NUSAP1: variants seen among roughly 807,000 people sequenced by gnomAD.
NUSAP1 encodes the protein nucleolar and spindle-associated protein 1.
NUSAP1 carries 32 observed loss-of-function variants against 52.8 expected under a neutral mutation model. That is an observed-to-expected ratio of 0.61 (90% CI 0.46 to 0.81). The LOEUF (loss-of-function observed/expected upper bound fraction) is 0.81. NUSAP1 is among the 40% of genes least tolerant of loss of function. NUSAP1 has a pLI of 0.00. For synonymous variants in NUSAP1, 195 were observed against 183.1 expected (o/e 1.06, Z -0.52); for missense variants, 499 against 522.3 (o/e 0.96, Z 0.43).
At chr15:41,369,193 G>A (rs1238288547) in intron 7 of NUSAP1, among the ~76,000 whole-genome samples, 3 of 151,916 alleles carry the variant, frequency 2.0e-5, no homozygotes, top group Non-Finnish European at 4.4e-5. Flanking sequence ...TTATAGGTGT[G>A]AACCATCTCA....
At chr15:41,333,616 G>A (rs1567033420) in intron 1 of NUSAP1, among the ~76,000 whole-genome samples, 1 of 152,204 alleles carries the variant, frequency 6.6e-6, no homozygotes. Flanking sequence ...TTGACTCCGA[G>A]GCTACAAGAT....
intron 1 of NUSAP1, among the ~76,000 whole-genome samples, chr15:41,339,013 A>G (rs903867904): frequency 1.3e-5 from 2 of 152,078 alleles, no homozygotes; most frequent in Admixed American, 6.6e-5. Context: ...AGTGCCCTCC[A>G]ATGACTTCCC....
intron 7 of NUSAP1, among the ~76,000 whole-genome samples, chr15:41,366,291 C>CT (rs1200034822): frequency 0.13 from 17,680 of 139,696 alleles, 1,603 homozygotes; most frequent in African/African-American, 0.26. Context: ...TTTCTTTTTT[C>CT]TTTTTTTTTT....
chr15:41,338,208 T>C (rs2048239142), intron 1 of NUSAP1, among the ~76,000 whole-genome samples: 1 of 152,128 alleles, frequency 6.6e-6, no homozygotes, highest in African/African-American at 2.4e-5. Flanking sequence ...GTGCTGGGTT[T>C]ACAGGCATGA....
chr15:41,336,295 T>A (rs1029566127), intron 1 of NUSAP1, among the ~76,000 whole-genome samples: 4 of 148,790 alleles, frequency 2.7e-5, no homozygotes, highest in Admixed American at 1.3e-4. Flanking sequence ...ATAATAATAA[T>A]AAATATATAG....
intron 10 of NUSAP1, among the ~76,000 whole-genome samples, chr15:41,377,874 G>A (rs1363290924): frequency 2.6e-5 from 4 of 151,134 alleles, no homozygotes; most frequent in Non-Finnish European, 2.9e-5. Flanking sequence ...GGTGGCGGGC[G>A]CCTGTAGTCC....
At chr15:41,345,880 T>G (rs1414763680) in intron 2 of NUSAP1, among the ~76,000 whole-genome samples, 1 of 152,204 alleles carries the variant, frequency 6.6e-6, no homozygotes, top group Non-Finnish European at 1.5e-5. Flanking sequence ...TCTGGATGTC[T>G]CTTCTTACTA....
rs1338842583 is a variant in NUSAP1 at position 41,380,278 on chromosome 15, C to G, written c.*92C>G. ...TTTGCTGTCATCCCCACTTTAGTCA[C>G]GAGATCTTTTTCTGCTAACTGTTCA... On this transcript the variant is annotated 3_prime_UTR_variant, in exon 11 of 11. Transcript: ENST00000559596. 4 of 804,368 alleles carry G rather than the reference C, an allele frequency of 5.0e-6. No individual in the cohort carries two copies. The South Asian group carries it at 6.7e-5, about 13-fold the overall frequency. The allele number at this position is 804,368 out of a possible 1,614,324, so 49.8% of individuals were successfully genotyped here. A position where few individuals can be genotyped will look rare whatever the true frequency, so the allele number is the denominator to read the frequency against.
At chr15:41,376,193 C>T (rs763317874) in intron 9 of NUSAP1, among the ~76,000 whole-genome samples, 7 of 150,314 alleles carry the variant, frequency 4.7e-5, no homozygotes, top group African/African-American at 9.8e-5. Context: ...GTCAGGAGTT[C>T]GAGATCAGCC....
intron 3 of NUSAP1, among the ~76,000 whole-genome samples, chr15:41,349,956 G>C (rs772405248): frequency 1.3e-4 from 19 of 151,932 alleles, no homozygotes; most frequent in Non-Finnish European, 2.4e-4. Flanking sequence ...TAGTAGAGAC[G>C]AGATTTCACC....
intron 10 of NUSAP1, among the ~76,000 whole-genome samples, chr15:41,378,217 C>T (rs1469501223): frequency 1.3e-5 from 2 of 152,138 alleles, no homozygotes; most frequent in Non-Finnish European, 2.9e-5. Context: ...TACCAATGCC[C>T]AGCAGCCCAG....
rs751990064 is a variant in NUSAP1 at position 41,342,408 on chromosome 15, T to C, written c.116T>C (p.Leu39Ser). 16 of 1,595,274 alleles carry C rather than the reference T, an allele frequency of 1.0e-5. No individual in the cohort carries two copies. Among genetic ancestry groups the C allele is most frequent in the African/African-American group, 6.7e-5 (5 of 74,478 alleles). ...CAGGCAACCAAGTTGTTAAAAGCCTTGAAAGGCTACATTAAACATGAGGCA... is the reference window on the plus strand; with the variant it reads ...CAGGCAACCAAGTTGTTAAAAGCCTCGAAAGGCTACATTAAACATGAGGCA... ...NLRATKLLKA[L>S]KGYIKHEARK... is the part of the protein sequence containing the mutation. Residue 39 changes from leucine (L) to serine (S), a missense_variant, in exon 2 of 11, where the codon TTG (leucine) becomes TCG (serine). By Grantham distance (145) the Leu-to-Ser change is moderately radical. Coordinates refer to ENST00000559596, the MANE Select transcript of NUSAP1 (RefSeq NM_016359.5).
rs568206472 is a variant in NUSAP1 at position 41,347,121 on chromosome 15, G to A, written c.163-1977G>A. ...TGGGAGGCGGAGATTGCAGTGAGCCGAGATTATAGCACTGCACTCCAGCCT... is the reference window on the plus strand; with the variant it reads ...TGGGAGGCGGAGATTGCAGTGAGCCAAGATTATAGCACTGCACTCCAGCCT... On this transcript the variant is annotated intron_variant, in intron 2 of 10. Transcript: ENST00000559596. Among the ~76,000 whole-genome samples the A allele has an allele frequency of 7.9e-5, 12 of 151,708 alleles. No individual in the cohort carries two copies. In the South Asian group the frequency reaches 2.3e-3, roughly 29 times the overall value.
rs1595623758 is a variant in NUSAP1 at position 41,380,658 on chromosome 15, G to T, written c.*472G>T. ...AGAATATAGTAACCTTTATGAAACGGGGCCATATAGTTTGGTTATGACATC... is the reference window on the plus strand; with the variant it reads ...AGAATATAGTAACCTTTATGAAACGTGGCCATATAGTTTGGTTATGACATC... On this transcript the variant is annotated 3_prime_UTR_variant, in exon 11 of 11. Coordinates refer to ENST00000559596, the MANE Select transcript of NUSAP1 (RefSeq NM_016359.5). 6.5e-6 allele frequency: 1 copy of T among 152,682 alleles called. No homozygotes were observed. The highest frequency in any genetic ancestry group is 1.5e-5 in the Non-Finnish European group (1 of 68,480). 9.5% of individuals were successfully genotyped at this position (152,682 alleles called of 1,614,324 possible).
At chr15:41,358,334 TACA>T (rs956872349) in intron 6 of NUSAP1, 76 bp downstream of exon 6, 17 of 690,788 alleles carry the variant, frequency 2.5e-5, no homozygotes, top group African/African-American at 7.4e-5. Flanking sequence ...ACACCGTGGT[TACA>T]ACAACTGGCT....
At chr15:41,353,403 A>C (rs577127136) in intron 4 of NUSAP1, among the ~76,000 whole-genome samples, 1 of 152,258 alleles carries the variant, frequency 6.6e-6, no homozygotes, top group African/African-American at 2.4e-5. Context: ...CGGCCTCCCA[A>C]AGTGCCAGGA....
chr15:41,342,389 AC>A lies in NUSAP1; in HGVS notation c.99del (p.Lys34SerfsTer3). The A allele has an allele frequency of 6.3e-7, 1 of 1,580,270 alleles. No homozygotes were observed. Among genetic ancestry groups the A allele is most frequent in the South Asian group, 1.1e-5 (1 of 87,002 alleles). On this transcript the variant is annotated frameshift_variant, in exon 2 of 11. Transcript: ENST00000559596. LOFTEE classifies it high-confidence loss of function. Reference sequence around the variant, plus strand: ...AATAATAAGGTCTCTCTTGCAGGCAACCAAGTTGTTAAAAGCCTTGAAAGGC... The same window carrying A: ...AATAATAAGGTCTCTCTTGCAGGCAACAAGTTGTTAAAAGCCTTGAAAGGC... ...SLGLRANLRA[T>X]KLLKALKGYI...
chr15:41,360,109 C>A (rs1434096677), intron 6 of NUSAP1, among the ~76,000 whole-genome samples: 1 of 151,990 alleles, frequency 6.6e-6, no homozygotes, highest in Non-Finnish European at 1.5e-5. Context: ...CAGGTGCCCA[C>A]CACCACACCC....
At chr15:41,377,084 GA>G (rs1010107411) in intron 9 of NUSAP1, 111 bp from the exon 10 acceptor site, 146 of 610,892 alleles carry the variant, frequency 2.4e-4, no homozygotes, top group East Asian at 1.1e-3. Flanking sequence ...CTGTCTCAAA[GA>G]AAAAAAAAGT....
Sources: allele counts gnomAD v4.1 joint callset (sites outside exome capture counted in the v4.1 genomes callset), GRCh38; gene constraint gnomAD v4.1.1; transcripts MANE v1.5; gene names NCBI Gene and HGNC (gene_info 2026-07-23, HGNC 2026-07-21).